BTBD9: variants seen among roughly 807,000 people sequenced by gnomAD.
BTBD9 encodes BTB/POZ domain-containing protein 9.
In BTBD9, 49 loss-of-function variants were observed where a neutral mutation model predicts 64.3. That is an observed-to-expected ratio of 0.76 (90% CI 0.61 to 0.97). The LOEUF is 0.97. Among genes scored for constraint, BTBD9 ranks in the 50% least tolerant of loss-of-function variants. The pLI is 0.00. For missense variants in BTBD9, 598 were observed against 762.1 expected, an observed-to-expected ratio of 0.78 and a Z score of 2.53; for synonymous variants, 260 against 274.7, an observed-to-expected ratio of 0.95 and a Z score of 0.53.
chr6:38,580,075 T>G lies in BTBD9; in HGVS notation c.1034+143A>C, dbSNP rs370575321. 8.6e-6 allele frequency: 6 copies of G among 694,188 alleles called. No individual in the cohort carries two copies. The Admixed American group carries it at 1.9e-4, about 22-fold the overall frequency. The allele number at this position is 694,188 out of a possible 1,614,324, so 43.0% of individuals were successfully genotyped here. A position where few individuals can be genotyped will look rare whatever the true frequency, so the allele number is the denominator to read the frequency against. ...CTTTTAAAGAAATATATCCTTTAAC[T>G]CCTTCCCCAAAACCAACCTTCAAGA... On this transcript the variant is annotated intron_variant, in intron 5 of 10. Transcript: ENST00000481247.
intron 6 of BTBD9, among the ~76,000 whole-genome samples, chr6:38,514,186 C>A (rs543440115): frequency 3.3e-5 from 5 of 152,296 alleles, no homozygotes; most frequent in Non-Finnish European, 7.4e-5. Flanking sequence ...GCTAAAGAAA[C>A]CATGGGGGTA....
At chr6:38,271,526 T>C (rs984538159) in intron 8 of BTBD9, among the ~76,000 whole-genome samples, 1 of 152,188 alleles carries the variant, frequency 6.6e-6, no homozygotes, top group Non-Finnish European at 1.5e-5. Context: ...TGGTAAGCCA[T>C]GGCCTGTGGA....
At chr6:38,469,423 A>G (rs1392567393) in intron 6 of BTBD9, among the ~76,000 whole-genome samples, 1 of 151,484 alleles carries the variant, frequency 6.6e-6, no homozygotes. Context: ...GGTTCCAGCA[A>G]TTCTCCTGCT....
intron 6 of BTBD9, among the ~76,000 whole-genome samples, chr6:38,354,981 T>C (rs534133239): frequency 3.3e-5 from 5 of 152,114 alleles, no homozygotes; most frequent in East Asian, 1.9e-4. Flanking sequence ...AAAACTAGTA[T>C]AGATATGTAT....
At chr6:38,518,752 T>C (rs1735759228) in intron 6 of BTBD9, among the ~76,000 whole-genome samples, 2 of 152,218 alleles carry the variant, frequency 1.3e-5, no homozygotes, top group South Asian at 2.1e-4. Context: ...TTTGTAGCTA[T>C]AAGCACCTTT....
chr6:38,528,745 C>G (rs534727703), intron 6 of BTBD9, among the ~76,000 whole-genome samples: 1 of 152,216 alleles, frequency 6.6e-6, no homozygotes, highest in African/African-American at 2.4e-5. Context: ...GACTAAAGAG[C>G]CTTTGGGCCC....
intron 6 of BTBD9, among the ~76,000 whole-genome samples, chr6:38,461,173 A>T (rs771700343): frequency 6.6e-6 from 1 of 152,160 alleles, no homozygotes; most frequent in African/African-American, 2.4e-5. Flanking sequence ...TAACAACTTT[A>T]TTGAGGATTA....
intron 7 of BTBD9, among the ~76,000 whole-genome samples, chr6:38,338,799 T>A (rs1179175529): frequency 2.0e-5 from 3 of 152,052 alleles, no homozygotes; most frequent in Non-Finnish European, 4.4e-5. Context: ...AGAAGACTCA[T>A]AAGAAGAGAA....
At chr6:38,508,179 A>T (rs1236502038) in intron 6 of BTBD9, among the ~76,000 whole-genome samples, 1 of 151,944 alleles carries the variant, frequency 6.6e-6, no homozygotes. Context: ...TGCTTCAGAC[A>T]ATTTGCTCAA....
intron 9 of BTBD9, among the ~76,000 whole-genome samples, chr6:38,241,052 G>C (rs1763975988): frequency 6.6e-6 from 1 of 152,118 alleles, no homozygotes. Flanking sequence ...CAAGCTTCCA[G>C]GAGCCCCTCC....
At chr6:38,421,352 T>C (rs1767896016) in intron 6 of BTBD9, among the ~76,000 whole-genome samples, 1 of 152,132 alleles carries the variant, frequency 6.6e-6, no homozygotes, top group South Asian at 2.1e-4. Context: ...CAAGATTCCA[T>C]CTCAAAAACA....
At chr6:38,550,322 CTTT>C (rs70981562) in intron 6 of BTBD9, among the ~76,000 whole-genome samples, 1 of 144,050 alleles carries the variant, frequency 6.9e-6, no homozygotes, top group Non-Finnish European at 1.5e-5. Context: ...TTTCTTTTTT[CTTT>C]TTTTTTTTTG....
chr6:38,602,704 A>G (rs555246139), intron 1 of BTBD9, among the ~76,000 whole-genome samples: 4 of 152,018 alleles, frequency 2.6e-5, no homozygotes, highest in African/African-American at 9.6e-5. Flanking sequence ...TGTTTGTGAG[A>G]TAAGTGTTTG....
chr6:38,344,894 A>T (rs1251926737), intron 7 of BTBD9, 90 bp downstream of exon 7: 3 of 827,512 alleles, frequency 3.6e-6, no homozygotes, highest in Non-Finnish European at 5.6e-6. Context: ...CAGAGTCCTT[A>T]GAACTGATTA....
intron 6 of BTBD9, among the ~76,000 whole-genome samples, chr6:38,402,385 C>T (rs1003712891): frequency 6.6e-6 from 1 of 151,878 alleles, no homozygotes; most frequent in African/African-American, 2.4e-5. Context: ...CCAAAACAAT[C>T]CCCCATCCCC....
chr6:38,318,875 C>T (rs535960299), intron 7 of BTBD9, among the ~76,000 whole-genome samples: 2 of 152,346 alleles, frequency 1.3e-5, no homozygotes, highest in South Asian at 4.1e-4. Context: ...CCCCAGGCCC[C>T]ATGCAGGTCC....
chr6:38,446,779 T>C (rs1562198855), intron 6 of BTBD9, among the ~76,000 whole-genome samples: 2 of 152,232 alleles, frequency 1.3e-5, no homozygotes, highest in African/African-American at 4.8e-5. Context: ...GTCATATAGT[T>C]GAACTTGAAC....
At chr6:38,516,872 C>T (rs561680003) in intron 6 of BTBD9, among the ~76,000 whole-genome samples, 4 of 152,308 alleles carry the variant, frequency 2.6e-5, no homozygotes, top group African/African-American at 9.6e-5. Context: ...TCCTTCATTC[C>T]ATCAGATTGT....
chr6:38,454,084 A>G (rs551136530), intron 6 of BTBD9, among the ~76,000 whole-genome samples: 1 of 152,346 alleles, frequency 6.6e-6, no homozygotes, highest in East Asian at 1.9e-4. Flanking sequence ...CTTCAAAATG[A>G]AAATTCTTCA....
Sources: allele counts gnomAD v4.1 joint callset (sites outside exome capture counted in the v4.1 genomes callset), GRCh38; gene constraint gnomAD v4.1.1; transcripts MANE v1.5; gene names NCBI Gene and HGNC (gene_info 2026-07-23, HGNC 2026-07-21).